CSTF3: variants seen among roughly 807,000 people sequenced by gnomAD.
The protein encoded by CSTF3 is cleavage stimulation factor subunit 3.
CSTF3 carries 29 observed loss-of-function variants against 105.8 expected under a neutral mutation model. The ratio of observed to expected loss-of-function variants is 0.27; its 90% CI spans 0.20 to 0.37. The LOEUF is 0.37. Ranked by LOEUF, CSTF3 falls within the 10% of genes least tolerant of loss-of-function variation. CSTF3 has a pLI of 1.00. For missense variants in CSTF3, 357 were observed against 879.3 expected (o/e 0.41, Z 7.51); for synonymous variants, 252 against 281.9 (o/e 0.89, Z 1.06).
intron 1 of CSTF3, among the ~76,000 whole-genome samples, chr11:33,153,077 A>G (rs1333571608): frequency 6.6e-6 from 1 of 152,142 alleles, no homozygotes; most frequent in Non-Finnish European, 1.5e-5. Flanking sequence ...TTCCTTAAAT[A>G]TGAATATAAA....
At chr11:33,153,577 G>A (rs995168625) in intron 1 of CSTF3, among the ~76,000 whole-genome samples, 4 of 152,048 alleles carry the variant, frequency 2.6e-5, no homozygotes, top group Non-Finnish European at 5.9e-5. Flanking sequence ...CGTTGAGGCT[G>A]TGGTGAGCTA....
chr11:33,132,293 T>C (rs1855607505), intron 3 of CSTF3, among the ~76,000 whole-genome samples: 1 of 151,880 alleles, frequency 6.6e-6, no homozygotes, highest in African/African-American at 2.4e-5. Context: ...AGTAACACAG[T>C]AAGAAAAATT....
At chr11:33,137,161 C>A (rs1392440338) in intron 3 of CSTF3, among the ~76,000 whole-genome samples, 1 of 151,764 alleles carries the variant, frequency 6.6e-6, no homozygotes, top group Non-Finnish European at 1.5e-5. Flanking sequence ...AATGTGTTTA[C>A]TAATGACTGC....
intron 9 of CSTF3, 35 bp downstream of exon 9, chr11:33,103,072 A>C: frequency 7.5e-7 from 1 of 1,334,942 alleles, no homozygotes; most frequent in Non-Finnish European, 1.0e-6. Flanking sequence ...ACAGACTCAT[A>C]ATAATCATTA....
At chr11:33,136,498 C>A (rs1388471221) in intron 3 of CSTF3, among the ~76,000 whole-genome samples, 3 of 151,830 alleles carry the variant, frequency 2.0e-5, no homozygotes, top group South Asian at 2.1e-4. Flanking sequence ...CAGACTCATT[C>A]CAAAGGAATA....
chr11:33,136,438 T>C (rs1304657256), intron 3 of CSTF3, among the ~76,000 whole-genome samples: 1 of 152,064 alleles, frequency 6.6e-6, no homozygotes, highest in Middle Eastern at 3.2e-3. Flanking sequence ...TTTTTACAGA[T>C]GTCACTGGTA....
Position 33,102,157 on chromosome 11 carries a change from A to T in CSTF3, c.826+20T>A, listed in dbSNP as rs1855287319. On this transcript the variant is annotated intron_variant, in intron 10 of 20. Coordinates refer to ENST00000323959, the MANE Select transcript of CSTF3 (RefSeq NM_001326.3). ...CTAACATACATGTAACTGAAGTCCC[A>T]TGAGGGTTAATCATGTTACCTCTTT... 1 of 1,610,744 alleles carries T rather than the reference A, an allele frequency of 6.2e-7. No individual in the cohort carries two copies. Among genetic ancestry groups the T allele is most frequent in the Non-Finnish European group, 8.5e-7 (1 of 1,178,076 alleles).
intron 15 of CSTF3, among the ~76,000 whole-genome samples, chr11:33,094,712 C>G (rs1855200946): frequency 6.6e-6 from 1 of 151,950 alleles, no homozygotes; most frequent in Admixed American, 6.6e-5. Flanking sequence ...AATACAAAAT[C>G]ATATTTAAGT....
At chr11:33,134,478 A>C (rs1490735796) in intron 3 of CSTF3, 1 of 152,196 alleles carries the variant, frequency 6.6e-6, no homozygotes, top group Non-Finnish European at 1.5e-5. Flanking sequence ...AACTAAAAGA[A>C]ATGTACAAAC....
chr11:33,130,555 T>C (rs969069478), intron 3 of CSTF3, among the ~76,000 whole-genome samples: 6 of 152,164 alleles, frequency 3.9e-5, no homozygotes, highest in Admixed American at 2.6e-4. Context: ...TACACACCTT[T>C]GAAAAGTATG....
At chr11:33,118,558 A>C (rs984600628) in intron 3 of CSTF3, among the ~76,000 whole-genome samples, 1 of 151,852 alleles carries the variant, frequency 6.6e-6, no homozygotes, top group Admixed American at 6.6e-5. Context: ...ACTAGTTAAC[A>C]TTCATGGCTC....
At position 33,144,924 on chromosome 11, in the gene CSTF3, T is replaced by C. The variant is rs113531025; in HGVS notation, c.28-2938A>G. On this transcript the variant is annotated intron_variant, in intron 1 of 20. Transcript: ENST00000323959. ...CCGGGAGGGAGAAGTTGCAGGGAACTGAGATTGCCGCCACTGCACTCGGGC... is the reference window on the plus strand; with the variant it reads ...CCGGGAGGGAGAAGTTGCAGGGAACCGAGATTGCCGCCACTGCACTCGGGC... 378 of 217,050 alleles carry C rather than the reference T, an allele frequency of 1.7e-3. 1 individual carries two copies. Among genetic ancestry groups the C allele is most frequent in the African/African-American group, 8.3e-3 (346 of 41,762 alleles). The allele number at this position is 217,050 out of a possible 1,614,324, so 13.4% of individuals were successfully genotyped here.
intron 1 of CSTF3, among the ~76,000 whole-genome samples, chr11:33,160,152 CTT>C (rs1216558898): frequency 6.6e-6 from 1 of 151,782 alleles, no homozygotes; most frequent in Admixed American, 6.6e-5. Flanking sequence ...AATTTTAAGA[CTT>C]TGCATGCTTG....
chr11:33,112,573 A>G (rs1054967772), intron 3 of CSTF3, among the ~76,000 whole-genome samples: 2 of 152,212 alleles, frequency 1.3e-5, no homozygotes, highest in African/African-American at 4.8e-5. Context: ...TGGTGTTACT[A>G]TAATTGGCCC....
At chr11:33,153,595 G>A (rs1849817009) in intron 1 of CSTF3, among the ~76,000 whole-genome samples, 1 of 151,252 alleles carries the variant, frequency 6.6e-6, no homozygotes, top group Admixed American at 6.6e-5. Context: ...CTATGACCAC[G>A]CCAATGCACT....
At chr11:33,122,476 A>G (rs1855499666) in intron 3 of CSTF3, among the ~76,000 whole-genome samples, 1 of 152,190 alleles carries the variant, frequency 6.6e-6, no homozygotes, top group African/African-American at 2.4e-5. Context: ...ACAGTATGTG[A>G]GTCTCCTCAT....
In CSTF3 at chr11:33,102,328, T is replaced by C. The variant is rs761180271; in HGVS notation, c.675A>G (p.Thr225=). 2 of 1,614,016 alleles carry C rather than the reference T, an allele frequency of 1.2e-6. No individual in the cohort carries two copies. Among genetic ancestry groups the C allele is most frequent in the African/African-American group, 1.3e-5 (1 of 75,060 alleles). The change falls in exon 10 of 21, where the codon ACA becomes ACG. Residue 225 remains threonine (T), a synonymous_variant. Coordinates refer to ENST00000323959, the MANE Select transcript of CSTF3 (RefSeq NM_001326.3). ...CATTACGGTCCAAGCCTTTCATTAC[T>C]GTCTCATATTCCTAGACAACAAGGA... ...NARRVAKEYE[T]VMKGLDRNAP...
At chr11:33,137,620 C>T (rs545433823) in intron 3 of CSTF3, among the ~76,000 whole-genome samples, 1 of 151,884 alleles carries the variant, frequency 6.6e-6, no homozygotes, top group East Asian at 1.9e-4. Context: ...TCTTGTAATA[C>T]ATCTCTATTC....
intron 3 of CSTF3, among the ~76,000 whole-genome samples, chr11:33,128,013 T>C (rs946744216): frequency 1.3e-5 from 2 of 152,196 alleles, no homozygotes; most frequent in Admixed American, 6.5e-5. Flanking sequence ...AAATAAGCAA[T>C]CTTTTTTCTG....
Sources: allele counts gnomAD v4.1 joint callset (sites outside exome capture counted in the v4.1 genomes callset), GRCh38; gene constraint gnomAD v4.1.1; transcripts MANE v1.5; gene names NCBI Gene and HGNC (gene_info 2026-07-23, HGNC 2026-07-21).